HADHA: variants seen among roughly 807,000 people sequenced by gnomAD.
The protein encoded by HADHA is trifunctional enzyme subunit alpha, mitochondrial.
In HADHA, 59 loss-of-function variants were observed where a neutral mutation model predicts 91.3. That is an observed-to-expected ratio of 0.65 (90% CI 0.52 to 0.80). HADHA has a LOEUF of 0.80. Ranked by LOEUF, HADHA falls within the 30% of genes least tolerant of loss-of-function variation. HADHA has a pLI of 0.00. For missense variants in HADHA, 800 were observed against 927.6 expected (o/e 0.86, Z 1.79); for synonymous variants, 320 against 338.9 (o/e 0.94, Z 0.61).
chr2:26,236,984 T>C lies in HADHA; in HGVS notation c.185A>G (p.Asn62Ser). ...VRINSPNSKV[N>S]TLSKELHSEF... Reference sequence around the variant, plus strand: ...TGAATGTAGCTCTTTACTCAGTGTATTTACCTGCCAAAGGGAAATATATAC... The same window carrying C: ...TGAATGTAGCTCTTTACTCAGTGTACTTACCTGCCAAAGGGAAATATATAC... The change falls in exon 4 of 20, where the codon AAT (asparagine) becomes AGT (serine). Residue 62 changes from asparagine (N) to serine (S), a missense_variant. By Grantham distance (46) the Asn-to-Ser change is conservative. Transcript: ENST00000380649. 1 of 1,607,692 alleles carries C rather than the reference T, an allele frequency of 6.2e-7. No homozygotes were observed. Among genetic ancestry groups the C allele is most frequent in the Non-Finnish European group, 8.5e-7 (1 of 1,174,110 alleles).
chr2:26,219,478 G>T (rs970709064), intron 7 of HADHA, among the ~76,000 whole-genome samples: 2 of 152,172 alleles, frequency 1.3e-5, no homozygotes, highest in Non-Finnish European at 2.9e-5. Flanking sequence ...AAGGAGCAAA[G>T]AACTGACAGG....
At chr2:26,195,926 A>G (rs896427081) in intron 14 of HADHA, among the ~76,000 whole-genome samples, 8 of 152,226 alleles carry the variant, frequency 5.3e-5, no homozygotes, top group Non-Finnish European at 1.0e-4. Context: ...GAAACCCCTC[A>G]TTGAGCTAAC....
At chr2:26,204,236 T>A (rs1669922004) in intron 11 of HADHA, 40 bp from the exon 12 acceptor site, 1 of 1,601,772 alleles carries the variant, frequency 6.2e-7, no homozygotes. Flanking sequence ...TAAACTGATC[T>A]TAATCATTTC....
chr2:26,198,925 T>A (rs1205517967), intron 13 of HADHA, among the ~76,000 whole-genome samples: 1 of 151,502 alleles, frequency 6.6e-6, no homozygotes, highest in East Asian at 2.0e-4. Flanking sequence ...GACAAAGTCT[T>A]GCTTTTTCGC....
intron 7 of HADHA, among the ~76,000 whole-genome samples, chr2:26,217,804 G>C (rs1473136600): frequency 1.3e-5 from 2 of 152,106 alleles, no homozygotes; most frequent in Non-Finnish European, 2.9e-5. Flanking sequence ...CTACTCGAGA[G>C]GCTGACGTGG....
intron 7 of HADHA, among the ~76,000 whole-genome samples, chr2:26,215,383 G>A (rs1558323537): frequency 6.6e-6 from 1 of 152,160 alleles, no homozygotes; most frequent in Non-Finnish European, 1.5e-5. Flanking sequence ...GGTAGAAAAC[G>A]CGGTCTTTAA....
rs1276144965 is a variant in HADHA at position 26,191,506 on chromosome 2, A to G, written c.2123T>C (p.Leu708Pro). 4 of 1,614,216 alleles carry G rather than the reference A, an allele frequency of 2.5e-6. No individual in the cohort carries two copies. The highest frequency in any genetic ancestry group is 3.4e-6 in the Non-Finnish European group (4 of 1,180,040). The change falls in exon 19 of 20, where the codon CTT (leucine) becomes CCT (proline). Residue 708 changes from leucine (L) to proline (P), a missense_variant. Coordinates refer to ENST00000380649, the MANE Select transcript of HADHA (RefSeq NM_000182.5). ...AEGDIGAVFG[L>P]GFPPCLGGPF... is the part of the protein sequence containing the mutation. ...ACCTCCCAGACAAGGCGGGAAGCCA[A>G]GCCCAAAGACGGCTCCGATGTCTCC...
chr2:26,235,720 A>G (rs1473532332), intron 4 of HADHA, among the ~76,000 whole-genome samples: 1 of 152,250 alleles, frequency 6.6e-6, no homozygotes, highest in African/African-American at 2.4e-5. Flanking sequence ...AATGCTGGCT[A>G]TCATTGTCTA....
chr2:26,191,347 C>T lies in HADHA; in HGVS notation c.2195G>A (p.Arg732Gln), dbSNP rs202050075. 38 of 1,614,144 alleles carry T rather than the reference C, an allele frequency of 2.4e-5. No individual in the cohort carries two copies. The highest frequency in any genetic ancestry group is 3.3e-4 in the Middle Eastern group (2 of 6,052). The change falls in exon 20 of 20, where the codon CGG becomes CAG. Residue 732 changes from arginine to glutamine, a missense_variant. By Grantham distance (43) the Arg-to-Gln change is conservative. Transcript: ENST00000380649. ...ATAGGCAGCTTCATATTTCTTGAGCCGGTCCACTATCTTCTGGGCGCCATA... is the reference window on the plus strand; with the variant it reads ...ATAGGCAGCTTCATATTTCTTGAGCTGGTCCACTATCTTCTGGGCGCCATA... ...DLYGAQKIVDRLKKYEAAYGK... is the reference protein window; with the variant it reads ...DLYGAQKIVDQLKKYEAAYGK...
At chr2:26,239,645 C>A (rs142379161) in intron 1 of HADHA, among the ~76,000 whole-genome samples, 24 of 151,916 alleles carry the variant, frequency 1.6e-4, no homozygotes, top group African/African-American at 5.8e-4. Flanking sequence ...TCTCTTTATC[C>A]CCCAGTTCCT....
intron 1 of HADHA, among the ~76,000 whole-genome samples, chr2:26,242,815 G>C (rs13412464): frequency 0.016 from 2,419 of 152,268 alleles, 65 homozygotes; most frequent in African/African-American, 0.055. Flanking sequence ...GCTGTGGCGC[G>C]ATCTCGGCTC....
intron 7 of HADHA, among the ~76,000 whole-genome samples, chr2:26,222,077 T>C (rs1028482785): frequency 5.3e-5 from 8 of 152,186 alleles, no homozygotes; most frequent in Admixed American, 5.2e-4. Context: ...TAATTGGGGA[T>C]AGGGCCTTTA....
intron 7 of HADHA, 65 bp from the exon 8 acceptor site, chr2:26,215,240 C>T: frequency 6.7e-7 from 1 of 1,496,600 alleles, no homozygotes; most frequent in South Asian, 1.1e-5. Flanking sequence ...TAGTGAAAAA[C>T]CCAGACTTGC....
At chr2:26,209,424 G>A (rs796994931) in intron 11 of HADHA, among the ~76,000 whole-genome samples, 5 of 152,328 alleles carry the variant, frequency 3.3e-5, no homozygotes, top group African/African-American at 1.2e-4. Context: ...TGAGGAAGAA[G>A]TGTGAGTTCC....
chr2:26,202,516 G>A (rs1037560329), intron 12 of HADHA, among the ~76,000 whole-genome samples: 5 of 152,168 alleles, frequency 3.3e-5, no homozygotes, highest in Admixed American at 6.5e-5. Flanking sequence ...TGCAGCAGGC[G>A]GATCACTTGA....
In HADHA at chr2:26,215,086, T is replaced by G. The variant is rs1670184515; in HGVS notation, c.766A>C (p.Ile256Leu). 4 of 1,606,944 alleles carry G rather than the reference T, an allele frequency of 2.5e-6. No individual in the cohort carries two copies. Among genetic ancestry groups the G allele is most frequent in the Non-Finnish European group, 3.4e-6 (4 of 1,173,468 alleles). ...TFAKGLADKK[I>L]SPKRDKGLVE... ...AATCCCTTGTCTCTCTTTGGAGAGA[T>G]CTTCTTATCAGCTAGTCCTTTGGCA... Residue 256 changes from isoleucine to leucine, a missense_variant, in exon 8 of 20, where the codon ATC becomes CTC. Transcript: ENST00000380649.
In HADHA at chr2:26,212,667, T is replaced by C. The variant is rs79496136; in HGVS notation, c.919-41A>G. On this transcript the variant is annotated intron_variant, in intron 9 of 19. Transcript: ENST00000380649. ...AGCACTTGCTCAGCGTTGGAATAGATTGGCGAGATGTACAATAATGCTGAA... is the reference window on the plus strand; with the variant it reads ...AGCACTTGCTCAGCGTTGGAATAGACTGGCGAGATGTACAATAATGCTGAA... 1.2e-3 allele frequency: 1,521 copies of C among 1,320,764 alleles called. 10 individuals are homozygous for C. In the African/African-American group the frequency reaches 0.017, roughly 15 times the overall value. The allele number at this position is 1,320,764 out of a possible 1,614,324, so 81.8% of individuals were successfully genotyped here. A position where few individuals can be genotyped will look rare whatever the true frequency, so the allele number is the denominator to read the frequency against.
chr2:26,207,371 C>A (rs1669996660), intron 11 of HADHA, among the ~76,000 whole-genome samples: 1 of 145,298 alleles, frequency 6.9e-6, no homozygotes, highest in Non-Finnish European at 1.5e-5. Context: ...TTAACTTTAG[C>A]TGTTAATAAC....
intron 1 of HADHA, among the ~76,000 whole-genome samples, chr2:26,240,838 C>T (rs1574628774): frequency 6.6e-6 from 1 of 152,132 alleles, no homozygotes; most frequent in Non-Finnish European, 1.5e-5. Flanking sequence ...CAGTTTAAAC[C>T]ATTTTAACTC....
Sources: gnomAD v4.1 joint callset for allele counts (sites outside exome capture counted in the v4.1 genomes callset) on GRCh38, gnomAD v4.1.1 for gene constraint, MANE v1.5 for transcripts, NCBI Gene and HGNC (gene_info 2026-07-23, HGNC 2026-07-21) for gene names.